Variants in EXOC6B observed in about 807,000 individuals in gnomAD.
EXOC6B encodes SEC15 homolog B.
A neutral mutation model predicts 113.5 loss-of-function variants in EXOC6B; 54 were observed. The observed-to-expected ratio is 0.48, with a 90% CI of 0.38 to 0.60. The LOEUF (loss-of-function observed/expected upper bound fraction) is 0.60. Ranked by LOEUF, EXOC6B falls within the 20% of genes least tolerant of loss-of-function variation. EXOC6B has a pLI of 0.00. For synonymous variants in EXOC6B, 357 were observed against 339.0 expected (o/e 1.05, Z -0.58); for missense variants, 797 against 977.5 (o/e 0.82, Z 2.46).
chr2:72,610,494 G>A (rs1211868596), intron 6 of EXOC6B, among the ~76,000 whole-genome samples: 1 of 152,108 alleles, frequency 6.6e-6, no homozygotes, highest in Non-Finnish European at 1.5e-5. Flanking sequence ...AGTAATTGCT[G>A]AAAATATAAA....
At chr2:72,578,984 C>T (rs1705040544) in intron 6 of EXOC6B, among the ~76,000 whole-genome samples, 1 of 152,064 alleles carries the variant, frequency 6.6e-6, no homozygotes, top group South Asian at 2.1e-4. Context: ...ATCAGCTTTA[C>T]AATTCAGACA....
rs1351068366 is a variant in EXOC6B at position 72,523,836 on chromosome 2, C to G, written c.916-8710G>C. Among the ~76,000 whole-genome samples the G allele has an allele frequency of 2.0e-5, 3 of 149,510 alleles. No homozygotes were observed. The East Asian group carries it at 5.9e-4, about 29-fold the overall frequency. On this transcript the variant is annotated intron_variant, in intron 8 of 21. Coordinates refer to ENST00000272427, the MANE Select transcript of EXOC6B (RefSeq NM_015189.3). ...ACTATGCCATTATTTGGCTAAACAG[C>G]TCCTTATCTACTGGCTATTTCCTGG... is the stretch of plus-strand genomic sequence containing the variant.
rs2104181010 is a variant in EXOC6B at position 72,620,790 on chromosome 2, G to A, written c.670-45122C>T. 2.0e-5 allele frequency among the ~76,000 whole-genome samples: 3 copies of A among 151,856 alleles called. No individual in the cohort carries two copies. The Middle Eastern group carries it at 0.01, about 520-fold the overall frequency. On this transcript the variant is annotated intron_variant, in intron 6 of 21. Coordinates refer to ENST00000272427, the MANE Select transcript of EXOC6B (RefSeq NM_015189.3). Reference sequence around the variant, plus strand: ...ATGTCTAAAATCCAGAATCTATAAGGAACTCAAATCAACAAGCAAAAGACA... The same window carrying A: ...ATGTCTAAAATCCAGAATCTATAAGAAACTCAAATCAACAAGCAAAAGACA...
chr2:72,811,929 A>ATACTTAATGAGATACTTAAT (rs1559022423), intron 1 of EXOC6B, among the ~76,000 whole-genome samples: 1 of 152,246 alleles, frequency 6.6e-6, no homozygotes, highest in Admixed American at 6.5e-5. Flanking sequence ...AAAAAAACCT[A>ATACTTAATGAGATACTTAAT]AAGTTAACAT....
intron 6 of EXOC6B, among the ~76,000 whole-genome samples, chr2:72,669,285 C>G (rs1558900092): frequency 1.3e-5 from 2 of 151,690 alleles, no homozygotes; most frequent in African/African-American, 2.4e-5. Flanking sequence ...ATGGGTGGTT[C>G]ACTGCCAAGC....
rs533149660 is a variant in EXOC6B at position 72,464,682 on chromosome 2, T to C, written c.1980+478A>G. ...CACCAATATGTATGTATAATATATA[T>C]AAGAAGTAGTAAAGAATGATTTTGA... On this transcript the variant is annotated intron_variant, in intron 18 of 21. Coordinates refer to ENST00000272427, the MANE Select transcript of EXOC6B (RefSeq NM_015189.3). The C allele has an allele frequency of 1.7e-4, 27 of 157,002 alleles. No individual in the cohort carries two copies. In the South Asian group the frequency reaches 4.5e-3, roughly 26 times the overall value. 9.7% of individuals were successfully genotyped at this position (157,002 alleles called of 1,614,324 possible). A position where few individuals can be genotyped will look rare whatever the true frequency, so the allele number is the denominator to read the frequency against.
At chr2:72,744,575 C>T (rs1015710945) in intron 1 of EXOC6B, among the ~76,000 whole-genome samples, 46 of 152,242 alleles carry the variant, frequency 3.0e-4, no homozygotes, top group African/African-American at 1.0e-3. Context: ...ACTTGGAGAA[C>T]GTGAAGAATC....
At chr2:72,537,470 C>A (rs3962154) in intron 8 of EXOC6B, among the ~76,000 whole-genome samples, 38 of 145,402 alleles carry the variant, frequency 2.6e-4, no homozygotes, top group Admixed American at 6.9e-4. Context: ...AAAAAAAAAA[C>A]CCCACAAACA....
chr2:72,726,475 T>A (rs76155380), intron 5 of EXOC6B, among the ~76,000 whole-genome samples: 5,802 of 152,194 alleles, frequency 0.038, 344 homozygotes, highest in African/African-American at 0.13. Context: ...ATATTAAAGG[T>A]TGTCATTTAA....
At chr2:72,524,612 T>A (rs1484457022) in intron 8 of EXOC6B, among the ~76,000 whole-genome samples, 1 of 152,162 alleles carries the variant, frequency 6.6e-6, no homozygotes, top group South Asian at 2.1e-4. Context: ...ACTTAAAAAA[T>A]GTAACTGGAT....
chr2:72,680,545 C>G (rs1676624459), intron 6 of EXOC6B, among the ~76,000 whole-genome samples: 1 of 152,098 alleles, frequency 6.6e-6, no homozygotes, highest in Admixed American at 6.6e-5. Context: ...TTGAGACCAG[C>G]CTAGCCAACA....
intron 20 of EXOC6B, among the ~76,000 whole-genome samples, chr2:72,272,594 C>A (rs1336444282): frequency 6.6e-6 from 1 of 152,154 alleles, no homozygotes; most frequent in African/African-American, 2.4e-5. Flanking sequence ...GCATTTCTCA[C>A]TGTTTATTCC....
At chr2:72,667,801 A>G (rs1463078303) in intron 6 of EXOC6B, among the ~76,000 whole-genome samples, 1 of 152,210 alleles carries the variant, frequency 6.6e-6, no homozygotes, top group Admixed American at 6.5e-5. Context: ...ACCTTTCTTG[A>G]TATTGACCTT....
At chr2:72,641,436 C>T (rs1001382319) in intron 6 of EXOC6B, among the ~76,000 whole-genome samples, 3 of 152,262 alleles carry the variant, frequency 2.0e-5, no homozygotes, top group African/African-American at 4.8e-5. Context: ...GGTGGGTCCC[C>T]CACCCACGAA....
chr2:72,311,333 T>C (rs1687170518), intron 20 of EXOC6B, among the ~76,000 whole-genome samples: 1 of 152,194 alleles, frequency 6.6e-6, no homozygotes, highest in South Asian at 2.1e-4. Context: ...CTTGCAGTTG[T>C]AGAATTGAGA....
At chr2:72,378,177 CAG>C (rs1691468899) in intron 19 of EXOC6B, among the ~76,000 whole-genome samples, 3 of 152,196 alleles carry the variant, frequency 2.0e-5, no homozygotes, top group South Asian at 4.1e-4. Flanking sequence ...CCAAGCCTCA[CAG>C]AGTTTCACTC....
chr2:72,575,735 A>G (rs1198239197), intron 6 of EXOC6B, 67 bp from the exon 7 acceptor site: 2 of 1,375,678 alleles, frequency 1.5e-6, no homozygotes, highest in African/African-American at 1.5e-5. Flanking sequence ...AAAGAAAGAA[A>G]AAAAGAAAAG....
chr2:72,369,536 A>C (rs1216566356), intron 19 of EXOC6B, among the ~76,000 whole-genome samples: 1 of 152,160 alleles, frequency 6.6e-6, no homozygotes, highest in Non-Finnish European at 1.5e-5. Flanking sequence ...GGAAGCAAAA[A>C]AGAGCCCGCA....
At chr2:72,596,690 A>C (rs1414053072) in intron 6 of EXOC6B, among the ~76,000 whole-genome samples, 1 of 152,082 alleles carries the variant, frequency 6.6e-6, no homozygotes, top group Admixed American at 6.5e-5. Flanking sequence ...TCATAAGGCT[A>C]CAGAAAGCTT....
Sources: gnomAD v4.1 joint callset for allele counts (sites outside exome capture counted in the v4.1 genomes callset) on GRCh38, gnomAD v4.1.1 for gene constraint, MANE v1.5 for transcripts, NCBI Gene and HGNC (gene_info 2026-07-23, HGNC 2026-07-21) for gene names.